ADAMTS19: variants seen among roughly 807,000 people sequenced by gnomAD.
ADAMTS19 encodes A disintegrin and metalloproteinase with thrombospondin motifs 19.
Under a neutral mutation model 153.3 loss-of-function variants are expected in ADAMTS19, and 93 were observed. The ratio of observed to expected loss-of-function variants is 0.61; its 90% CI spans 0.51 to 0.72. ADAMTS19 has a LOEUF of 0.72. ADAMTS19 is among the 30% of genes least tolerant of loss of function. The pLI is 0.00. For missense variants in ADAMTS19, 1,482 were observed against 1,552.1 expected (o/e 0.95, Z 0.76); for synonymous variants, 600 against 556.6 (o/e 1.08, Z -1.10).
intron 21 of ADAMTS19, among the ~76,000 whole-genome samples, chr5:129,723,955 T>A (rs1489223642): frequency 6.6e-6 from 1 of 152,196 alleles, no homozygotes. Context: ...GGCAATTGAT[T>A]GAAAGAATTT....
intron 18 of ADAMTS19, among the ~76,000 whole-genome samples, chr5:129,684,660 C>CT (rs1339239970): frequency 6.6e-6 from 1 of 152,116 alleles, no homozygotes; most frequent in African/African-American, 2.4e-5. Flanking sequence ...CAAAGTACAC[C>CT]TGCCCACAAG....
At chr5:129,665,121 T>C (rs111405061) in intron 15 of ADAMTS19, among the ~76,000 whole-genome samples, 168 of 152,276 alleles carry the variant, frequency 1.1e-3, no homozygotes, top group Non-Finnish European at 2.0e-3. Flanking sequence ...CCACACTTTC[T>C]AACCTAAAGA....
intron 2 of ADAMTS19, among the ~76,000 whole-genome samples, chr5:129,462,162 G>T (rs1483416233): frequency 6.6e-6 from 1 of 152,166 alleles, no homozygotes; most frequent in Non-Finnish European, 1.5e-5. Flanking sequence ...TGTTTGCGCC[G>T]CACTCTCAGT....
chr5:129,496,055 G>A (rs1326936546), intron 2 of ADAMTS19, among the ~76,000 whole-genome samples: 1 of 152,074 alleles, frequency 6.6e-6, no homozygotes, highest in Non-Finnish European at 1.5e-5. Flanking sequence ...TGTCATGATT[G>A]GGAAACAGGC....
intron 10 of ADAMTS19, among the ~76,000 whole-genome samples, chr5:129,633,005 A>AAT (rs1244082210): frequency 8.3e-6 from 1 of 119,958 alleles, no homozygotes; most frequent in African/African-American, 4.2e-5. Context: ...CTCTCCTGAG[A>AAT]ATAGTTACAC....
intron 8 of ADAMTS19, among the ~76,000 whole-genome samples, chr5:129,612,205 T>C (rs1397723953): frequency 1.4e-5 from 2 of 147,466 alleles, no homozygotes; most frequent in South Asian, 4.4e-4. Flanking sequence ...TTCCCACCTA[T>C]GAGTGAGAAC....
intron 2 of ADAMTS19, among the ~76,000 whole-genome samples, chr5:129,476,067 G>T (rs1750214627): frequency 6.6e-6 from 1 of 152,002 alleles, no homozygotes; most frequent in African/African-American, 2.4e-5. Context: ...AATTGGTAGG[G>T]TGTGTTTTTG....
chr5:129,461,138 T>C lies in ADAMTS19; in HGVS notation c.128T>C (p.Val43Ala). 1.4e-6 allele frequency: 2 copies of C among 1,422,852 alleles called. No individual in the cohort carries two copies. Among genetic ancestry groups the C allele is most frequent in the Non-Finnish European group, 9.2e-7 (1 of 1,085,224 alleles). The allele number at this position is 1,422,852 out of a possible 1,614,324, so 88.1% of individuals were successfully genotyped here. A position where few individuals can be genotyped will look rare whatever the true frequency, so the allele number is the denominator to read the frequency against. The change falls in exon 2 of 23, where the codon GTC (valine) becomes GCC (alanine). Residue 43 changes from valine to alanine, a missense_variant. Around this residue, in one of 2 missense-constraint regions of ADAMTS19, gnomAD observed 866 missense variants for 827.7 expected, o/e 1.05. Coordinates refer to ENST00000274487, the MANE Select transcript of ADAMTS19 (RefSeq NM_133638.6). This position sits in a 1 kb window ranked among gnomAD's most constrained non-coding sequence, Gnocchi z 4.6. Reference sequence around the variant, plus strand: ...GCCCCCGACCGCGAGGAGTGGGAAGTCGTGTTTCCTGCGCTCTGGCGCCGG... The same window carrying C: ...GCCCCCGACCGCGAGGAGTGGGAAGCCGTGTTTCCTGCGCTCTGGCGCCGG... ...QFAPDREEWE[V>A]VFPALWRREP...
At chr5:129,724,176 T>C (rs1435757174) in intron 21 of ADAMTS19, among the ~76,000 whole-genome samples, 2 of 152,228 alleles carry the variant, frequency 1.3e-5, no homozygotes, top group Non-Finnish European at 2.9e-5. Context: ...AAGGAGATTC[T>C]TTACAGAATG....
intron 21 of ADAMTS19, among the ~76,000 whole-genome samples, chr5:129,716,765 C>G (rs1272368314): frequency 6.6e-6 from 1 of 152,074 alleles, no homozygotes; most frequent in East Asian, 1.9e-4. Flanking sequence ...CCTGCATACT[C>G]CTCCTCCCAC....
intron 8 of ADAMTS19, among the ~76,000 whole-genome samples, chr5:129,597,080 G>T (rs895063025): frequency 6.6e-6 from 1 of 152,096 alleles, no homozygotes. Context: ...AACCCGCATG[G>T]TTTAGATATA....
At chr5:129,579,644 G>C (rs1561581969) in intron 7 of ADAMTS19, among the ~76,000 whole-genome samples, 1 of 152,050 alleles carries the variant, frequency 6.6e-6, no homozygotes, top group African/African-American at 2.4e-5. Flanking sequence ...TCCAGTTTTA[G>C]TTTTCTGCAT....
intron 3 of ADAMTS19, among the ~76,000 whole-genome samples, chr5:129,517,802 T>A (rs1299258530): frequency 1.3e-5 from 2 of 152,010 alleles, no homozygotes; most frequent in African/African-American, 4.8e-5. Flanking sequence ...TATTGATAAG[T>A]AAGGACTTAT....
intron 13 of ADAMTS19, 30 bp from the exon 14 acceptor site, chr5:129,654,276 C>A (rs183334459): frequency 8.3e-5 from 128 of 1,548,964 alleles, no homozygotes; most frequent in Non-Finnish European, 9.0e-5. Context: ...GTAACTTTTT[C>A]TCATTTCTTT....
At chr5:129,637,405 A>G (rs1032395050) in intron 10 of ADAMTS19, among the ~76,000 whole-genome samples, 23 of 152,302 alleles carry the variant, frequency 1.5e-4, no homozygotes, top group African/African-American at 5.3e-4. Context: ...TAGCATACTC[A>G]GCTCTAAATT....
At chr5:129,581,264 G>T (rs1425557464) in intron 7 of ADAMTS19, among the ~76,000 whole-genome samples, 1 of 148,682 alleles carries the variant, frequency 6.7e-6, no homozygotes, top group Non-Finnish European at 1.5e-5. Flanking sequence ...TGTATTTCTT[G>T]TGACCAGTTT....
intron 7 of ADAMTS19, among the ~76,000 whole-genome samples, chr5:129,587,872 T>C (rs753735869): frequency 1.9e-4 from 29 of 152,142 alleles, no homozygotes; most frequent in Non-Finnish European, 3.1e-4. Context: ...CAAGTCCAGC[T>C]TCTCAGTCTC....
intron 12 of ADAMTS19, among the ~76,000 whole-genome samples, chr5:129,648,544 T>C (rs1240010162): frequency 1.3e-5 from 2 of 152,192 alleles, no homozygotes; most frequent in African/African-American, 2.4e-5. Flanking sequence ...TTTACTCTAA[T>C]GTATCATTTT....
At chr5:129,538,974 G>A (rs1484967406) in intron 6 of ADAMTS19, among the ~76,000 whole-genome samples, 3 of 151,998 alleles carry the variant, frequency 2.0e-5, no homozygotes, top group East Asian at 1.9e-4. Flanking sequence ...CAACCCTAAG[G>A]TAATCAATGT....
Sources: gnomAD v4.1 joint callset for allele counts (sites outside exome capture counted in the v4.1 genomes callset) on GRCh38, gnomAD v4.1.1 for gene constraint, gnomAD v4.1.1 regional missense constraint, Gnocchi (gnomAD v3.1) non-coding constraint, MANE v1.5 for transcripts, NCBI Gene and HGNC (gene_info 2026-07-23, HGNC 2026-07-21) for gene names.